The following ARID2 variants were observed in gnomAD, a reference collection of about 807,000 sequenced individuals.
The protein encoded by ARID2 is AT-rich interaction domain 2.
In ARID2, 32 loss-of-function variants were observed where a neutral mutation model predicts 184.6. The ratio of observed to expected loss-of-function variants is 0.17; its 90% CI spans 0.13 to 0.23. The LOEUF is 0.23. Among genes scored for constraint, ARID2 ranks in the 10% least tolerant of loss-of-function variants. The pLI, the probability that ARID2 is intolerant of heterozygous loss-of-function variation, is 1.00. For missense variants in ARID2, 1,696 were observed against 2,197.6 expected, an observed-to-expected ratio of 0.77 and a Z score of 4.56; for synonymous variants, 836 against 772.6, an observed-to-expected ratio of 1.08 and a Z score of -1.36.
intron 6 of ARID2, among the ~76,000 whole-genome samples, chr12:45,833,225 A>G (rs945616823): frequency 4.6e-5 from 7 of 152,140 alleles, no homozygotes; most frequent in Admixed American, 3.9e-4. Flanking sequence ...GGGGTATTAA[A>G]TGCATTACGA....
In ARID2 at chr12:45,817,505, C is replaced by T. The variant is rs76083154; in HGVS notation, c.419-165C>T. 4.6e-3 allele frequency among the ~76,000 whole-genome samples: 642 copies of T among 138,700 alleles called. 5 individuals are homozygous for T. The highest frequency in any genetic ancestry group is 0.015 in the African/African-American group (601 of 39,952). 91.0% of individuals were successfully genotyped at this position (138,700 alleles called of 152,430 possible). ...AACCTAAGAAGTTTTAAAAGTTGAA[C>T]GTTTTGAACCTCTAATCAGTTTATA... On this transcript the variant is annotated intron_variant, in intron 4 of 20. Coordinates refer to ENST00000334344, the MANE Select transcript of ARID2 (RefSeq NM_152641.4).
At chr12:45,862,569 G>A (rs892896301) in intron 16 of ARID2, among the ~76,000 whole-genome samples, 5 of 152,090 alleles carry the variant, frequency 3.3e-5, no homozygotes, top group African/African-American at 4.8e-5. Context: ...GAAGCTTGTC[G>A]CAGTGGTGCA....
intron 3 of ARID2, among the ~76,000 whole-genome samples, chr12:45,752,262 T>G (rs555973013): frequency 5.3e-5 from 8 of 152,342 alleles, no homozygotes; most frequent in Admixed American, 2.0e-4. Flanking sequence ...TGGCATAGGA[T>G]TGAACCTTAA....
At chr12:45,784,629 A>C (rs1942161928) in intron 3 of ARID2, among the ~76,000 whole-genome samples, 1 of 152,094 alleles carries the variant, frequency 6.6e-6, no homozygotes, top group Non-Finnish European at 1.5e-5. Context: ...GTGCTACTGC[A>C]CTCCAGCCTG....
chr12:45,851,745 A>G lies in ARID2; in HGVS notation c.3622A>G (p.Thr1208Ala), dbSNP rs201984956. 5.0e-6 allele frequency: 8 copies of G among 1,614,080 alleles called. No individual in the cohort carries two copies. The highest frequency in any genetic ancestry group is 3.3e-5 in the South Asian group (3 of 91,094). Reference sequence around the variant, plus strand: ...AGGAATTACCATGAGCGGAACGCAGACAGGAGTTGGACTTCCAGTACAAAC... The same window carrying G: ...AGGAATTACCATGAGCGGAACGCAGGCAGGAGTTGGACTTCCAGTACAAAC... ...PAGITMSGTQ[T>A]GVGLPVQTLP... Residue 1208 changes from threonine to alanine, a missense_variant, in exon 15 of 21, where the codon ACA becomes GCA. Coordinates refer to ENST00000334344, the MANE Select transcript of ARID2 (RefSeq NM_152641.4).
chr12:45,807,275 T>C (rs1942619650), intron 3 of ARID2, among the ~76,000 whole-genome samples: 1 of 152,208 alleles, frequency 6.6e-6, no homozygotes, highest in Admixed American at 6.5e-5. Flanking sequence ...TCTTTTTTTG[T>C]AACATTTCAA....
intron 15 of ARID2, among the ~76,000 whole-genome samples, chr12:45,853,800 T>C (rs1223861162): frequency 6.6e-6 from 1 of 152,206 alleles, no homozygotes; most frequent in Non-Finnish European, 1.5e-5. Context: ...ACAGCAGATA[T>C]ATGGCTATTG....
chr12:45,793,222 C>A (rs1437292181), intron 3 of ARID2, among the ~76,000 whole-genome samples: 6 of 152,036 alleles, frequency 3.9e-5, no homozygotes, highest in Non-Finnish European at 8.8e-5. Context: ...ACCGCTTGAA[C>A]CCCGGAAGCA....
chr12:45,872,677 A>G (rs1047544294), intron 16 of ARID2, among the ~76,000 whole-genome samples: 1 of 152,222 alleles, frequency 6.6e-6, no homozygotes, highest in Non-Finnish European at 1.5e-5. Context: ...GCACGGGCGT[A>G]ACCGCATGGG....
chr12:45,835,261 C>T (rs1005016580), intron 6 of ARID2, among the ~76,000 whole-genome samples: 6 of 152,018 alleles, frequency 3.9e-5, no homozygotes, highest in Non-Finnish European at 7.4e-5. Context: ...TTTCTTTGAA[C>T]TTACTATTCA....
intron 3 of ARID2, 22 bp downstream of exon 3, chr12:45,731,336 A>T (rs777255828): frequency 6.4e-7 from 1 of 1,564,200 alleles, no homozygotes; most frequent in Non-Finnish European, 8.8e-7. Flanking sequence ...TGACTTTTCC[A>T]TAGTATTTGG....
chr12:45,778,992 A>G (rs1942037683), intron 3 of ARID2, among the ~76,000 whole-genome samples: 1 of 152,036 alleles, frequency 6.6e-6, no homozygotes, highest in Non-Finnish European at 1.5e-5. Flanking sequence ...TTTTTAACCT[A>G]TTATAAACAA....
chr12:45,837,229 C>G (rs545211811), intron 8 of ARID2, 92 bp from the exon 9 acceptor site: 22 of 1,219,314 alleles, frequency 1.8e-5, no homozygotes, highest in Admixed American at 2.4e-5. Flanking sequence ...CGTTATGCAA[C>G]ATTGTCCTGT....
At chr12:45,903,412 C>G (rs958138955) in intron 20 of ARID2, among the ~76,000 whole-genome samples, 2 of 152,088 alleles carry the variant, frequency 1.3e-5, no homozygotes, top group African/African-American at 4.8e-5. Flanking sequence ...CCAACCAATT[C>G]CAAAATGATT....
chr12:45,836,450 A>G (rs1943221696), intron 6 of ARID2, 139 bp from the exon 7 acceptor site: 6 of 727,512 alleles, frequency 8.2e-6, no homozygotes, highest in Non-Finnish European at 1.3e-5. Flanking sequence ...TCCCAGCTGC[A>G]AGTAATCCTC....
At chr12:45,788,415 A>G (rs77612192) in intron 3 of ARID2, among the ~76,000 whole-genome samples, 195 of 152,270 alleles carry the variant, frequency 1.3e-3, no homozygotes, top group African/African-American at 4.2e-3. Flanking sequence ...TCCAAGTTTG[A>G]TTTCATTATC....
chr12:45,740,942 C>T (rs1941241819), intron 3 of ARID2, among the ~76,000 whole-genome samples: 1 of 152,152 alleles, frequency 6.6e-6, no homozygotes, highest in Admixed American at 6.5e-5. Flanking sequence ...GTGGTATCCT[C>T]CTGATTTCTC....
At chr12:45,777,308 G>A (rs1942003812) in intron 3 of ARID2, among the ~76,000 whole-genome samples, 1 of 152,050 alleles carries the variant, frequency 6.6e-6, no homozygotes, top group Non-Finnish European at 1.5e-5. Context: ...AGATTTGGAT[G>A]CTTATAATAG....
At chr12:45,804,241 G>A (rs946859112) in intron 3 of ARID2, among the ~76,000 whole-genome samples, 1 of 152,126 alleles carries the variant, frequency 6.6e-6, no homozygotes, top group Non-Finnish European at 1.5e-5. Flanking sequence ...AAAAGTAGAA[G>A]TATTCTGAGA....
Sources: allele counts gnomAD v4.1 joint callset (sites outside exome capture counted in the v4.1 genomes callset), GRCh38; gene constraint gnomAD v4.1.1; transcripts MANE v1.5; gene names NCBI Gene and HGNC (gene_info 2026-07-23, HGNC 2026-07-21).